Variants in GPBP1L1 observed in about 807,000 individuals in gnomAD.
GPBP1L1 encodes the protein GC-rich promoter binding protein 1 like 1.
Under a neutral mutation model 52.5 loss-of-function variants are expected in GPBP1L1, and 23 were observed. The observed-to-expected ratio is 0.44, with a 90% CI of 0.32 to 0.62. GPBP1L1 has a LOEUF of 0.62. GPBP1L1 is among the 20% of genes least tolerant of loss of function. GPBP1L1 has a pLI of 0.06. For missense variants in GPBP1L1, 596 were observed against 579.3 expected (o/e 1.03, Z -0.30); for synonymous variants, 243 against 203.1 (o/e 1.20, Z -1.67).
At chr1:45,649,124 C>CA (rs1257370308) in intron 6 of GPBP1L1, among the ~76,000 whole-genome samples, 1 of 152,212 alleles carries the variant, frequency 6.6e-6, no homozygotes, top group Non-Finnish European at 1.5e-5. Context: ...CATCCACACT[C>CA]AAAAAGTTTT....
intron 2 of GPBP1L1, among the ~76,000 whole-genome samples, chr1:45,673,671 C>T (rs1442875726): frequency 6.6e-6 from 1 of 152,150 alleles, no homozygotes; most frequent in Non-Finnish European, 1.5e-5. Context: ...ACCAACCTGA[C>T]CAATATGGTG....
intron 2 of GPBP1L1, among the ~76,000 whole-genome samples, chr1:45,666,176 GCAGTGGCACCCACTGCAACCTCCATCCCC>G (rs1306169795): frequency 1.1e-4 from 16 of 151,376 alleles, no homozygotes; most frequent in South Asian, 8.4e-4. Context: ...AGGCTGGAGT[GCAGTGGCACCCACTGCAACCTCCATCCCC>G]CAGTGGCACC....
At chr1:45,676,862 C>A (rs928882373) in intron 2 of GPBP1L1, among the ~76,000 whole-genome samples, 1 of 145,210 alleles carries the variant, frequency 6.9e-6, no homozygotes, top group Non-Finnish European at 1.5e-5. Context: ...CTGGGTGACA[C>A]AGAGAGACCC....
intron 2 of GPBP1L1, among the ~76,000 whole-genome samples, chr1:45,667,674 T>C (rs1473596098): frequency 6.6e-6 from 1 of 152,196 alleles, no homozygotes; most frequent in African/African-American, 2.4e-5. Context: ...AACAAAAAAC[T>C]GTATCCAATT....
chr1:45,637,541 T>TTTTTTTTTTTTTTTTTTTTTTTTTTTTTG (rs1557696882), intron 8 of GPBP1L1, among the ~76,000 whole-genome samples: 1 of 149,440 alleles, frequency 6.7e-6, no homozygotes, highest in African/African-American at 2.5e-5. Context: ...GCCTTTATAT[T>TTTTTTTTTTTTTTTTTTTTTTTTTTTTTG]AGTTTTCCAA....
intron 4 of GPBP1L1, among the ~76,000 whole-genome samples, chr1:45,657,937 A>G (rs908951732): frequency 6.6e-5 from 10 of 152,192 alleles, no homozygotes; most frequent in African/African-American, 1.7e-4. Flanking sequence ...CACCTTCCCA[A>G]AAGTCCACAT....
chr1:45,630,268 A>C (rs1423852532), intron 11 of GPBP1L1, among the ~76,000 whole-genome samples: 1 of 152,112 alleles, frequency 6.6e-6, no homozygotes, highest in Non-Finnish European at 1.5e-5. Flanking sequence ...AAAAGTATTA[A>C]AGTATTGGAG....
chr1:45,654,509 G>C (rs374292015), intron 6 of GPBP1L1, 34 bp downstream of exon 6: 5 of 1,543,964 alleles, frequency 3.2e-6, no homozygotes, highest in Non-Finnish European at 3.5e-6. Context: ...TTATTTGTTG[G>C]CTTCTAACCA....
intron 6 of GPBP1L1, among the ~76,000 whole-genome samples, chr1:45,647,404 T>C (rs1431975730): frequency 1.3e-5 from 2 of 152,196 alleles, no homozygotes; most frequent in Admixed American, 6.5e-5. Context: ...ACGGGCTTTG[T>C]TCTGGAAGGG....
At chr1:45,642,626 T>C (rs1644688495) in intron 6 of GPBP1L1, 127 bp from the exon 7 acceptor site, 1 of 682,230 alleles carries the variant, frequency 1.5e-6, no homozygotes, top group African/African-American at 1.8e-5. Context: ...CACTTACTAA[T>C]TTGACACTGT....
Position 45,640,375 on chromosome 1 carries a change from G to A in GPBP1L1, c.579C>T (p.Ser193=). Residue 193 remains serine (S), a synonymous_variant, in exon 8 of 13, where the codon TCC becomes TCT. Coordinates refer to ENST00000355105, the MANE Select transcript of GPBP1L1 (RefSeq NM_021639.5). Reference sequence around the variant, plus strand: ...AAACTTTTTTGATAACTAGCATCTTGGAGGGTTGCTTGGCACTAGGCGGGT... The same window carrying A: ...AAACTTTTTTGATAACTAGCATCTTAGAGGGTTGCTTGGCACTAGGCGGGT... ...WENPPSAKQP[S]KMLVIKKVSK... is the part of the protein sequence containing the mutation. The A allele has an allele frequency of 1.2e-6, 2 of 1,614,046 alleles. No homozygotes were observed. Among genetic ancestry groups the A allele is most frequent in the Non-Finnish European group, 1.7e-6 (2 of 1,180,018 alleles).
intron 2 of GPBP1L1, among the ~76,000 whole-genome samples, chr1:45,681,664 ATTATT>A (rs1319434078): frequency 1.3e-5 from 2 of 152,246 alleles, no homozygotes; most frequent in African/African-American, 4.8e-5. Flanking sequence ...ACCGTCAGAC[ATTATT>A]TTAAGAATTA....
chr1:45,666,817 T>C (rs771898091), intron 2 of GPBP1L1, among the ~76,000 whole-genome samples: 7 of 152,182 alleles, frequency 4.6e-5, no homozygotes, highest in Non-Finnish European at 1.0e-4. Context: ...TATCAACAGA[T>C]GAATGAACAA....
At chr1:45,655,056 T>C in intron 5 of GPBP1L1, 134 bp downstream of exon 5, 2 of 1,157,818 alleles carry the variant, frequency 1.7e-6, no homozygotes, top group Non-Finnish European at 2.5e-6. Flanking sequence ...AGTTGCGTAA[T>C]GACTACTAGA....
intron 8 of GPBP1L1, among the ~76,000 whole-genome samples, chr1:45,637,265 G>C (rs1226153165): frequency 1.3e-5 from 2 of 152,100 alleles, no homozygotes; most frequent in Non-Finnish European, 2.9e-5. Context: ...TAGATAAAAT[G>C]AATGGATAAA....
chr1:45,682,881 G>C (rs1251782568), intron 2 of GPBP1L1, among the ~76,000 whole-genome samples: 2 of 152,222 alleles, frequency 1.3e-5, no homozygotes, highest in East Asian at 3.9e-4. Context: ...AGATTTCAGT[G>C]GGAAATAGGA....
chr1:45,672,343 C>CAA (rs57589371), intron 2 of GPBP1L1, among the ~76,000 whole-genome samples: 21 of 105,530 alleles, frequency 2.0e-4, no homozygotes, highest in South Asian at 5.8e-4. Context: ...GCCCAGGCGA[C>CAA]AAAAAAAAAA....
In GPBP1L1 at chr1:45,627,429, C is replaced by T. The variant is rs551000662; in HGVS notation, c.*827G>A. 2.3e-4 allele frequency: 35 copies of T among 152,438 alleles called. No individual in the cohort carries two copies. Among genetic ancestry groups the T allele is most frequent in the Non-Finnish European group, 4.1e-4 (28 of 67,998 alleles). 9.4% of individuals were successfully genotyped at this position (152,438 alleles called of 1,614,324 possible). A position where few individuals can be genotyped will look rare whatever the true frequency, so the allele number is the denominator to read the frequency against. ...TCCCCCCAACTTCTAAAAATATTTCCCCTAAAAAAGAATCCACTCATCTAA... is the reference window on the plus strand; with the variant it reads ...TCCCCCCAACTTCTAAAAATATTTCTCCTAAAAAAGAATCCACTCATCTAA... On this transcript the variant is annotated 3_prime_UTR_variant, in exon 13 of 13. Coordinates refer to ENST00000355105, the MANE Select transcript of GPBP1L1 (RefSeq NM_021639.5).
chr1:45,643,486 T>C (rs755361575), intron 6 of GPBP1L1, among the ~76,000 whole-genome samples: 4 of 152,012 alleles, frequency 2.6e-5, no homozygotes, highest in Non-Finnish European at 4.4e-5. Context: ...AAGAGACCAT[T>C]AGGAGATCAA....
Sources: allele counts gnomAD v4.1 joint callset (sites outside exome capture counted in the v4.1 genomes callset), GRCh38; gene constraint gnomAD v4.1.1; transcripts MANE v1.5; gene names NCBI Gene and HGNC (gene_info 2026-07-23, HGNC 2026-07-21).